The following AZIN1 variants were observed in gnomAD, a reference collection of about 807,000 sequenced individuals.
AZIN1 encodes the protein antizyme inhibitor 1.
A neutral mutation model predicts 47.4 loss-of-function variants in AZIN1; 12 were observed. The ratio of observed to expected loss-of-function variants is 0.25; its 90% CI spans 0.16 to 0.41. The LOEUF (loss-of-function observed/expected upper bound fraction) is 0.41, where lower values mean the gene tolerates loss of function less well. Among genes scored for constraint, AZIN1 ranks in the 10% least tolerant of loss-of-function variants. AZIN1 has a pLI of 1.00. For synonymous variants in AZIN1, 155 were observed against 176.3 expected (o/e 0.88, Z 0.96); for missense variants, 410 against 532.4 (o/e 0.77, Z 2.26).
chr8:102,859,889 A>C (rs1293839663), intron 1 of AZIN1, among the ~76,000 whole-genome samples: 1 of 152,208 alleles, frequency 6.6e-6, no homozygotes, highest in African/African-American at 2.4e-5. Context: ...ATGCACCTAT[A>C]GTCTCAACTA....
intron 3 of AZIN1, among the ~76,000 whole-genome samples, chr8:102,841,807 A>AT (rs1563538506): frequency 2.2e-5 from 3 of 138,648 alleles, no homozygotes; most frequent in Non-Finnish European, 3.1e-5. Flanking sequence ...TATATATATA[A>AT]AAAAAAAAAA....
intron 2 of AZIN1, among the ~76,000 whole-genome samples, chr8:102,853,127 G>C (rs1002280180): frequency 6.6e-6 from 1 of 152,264 alleles, no homozygotes; most frequent in African/African-American, 2.4e-5. Context: ...GACTGTGATG[G>C]AACACACAGA....
At position 102,864,016 on chromosome 8, in the gene AZIN1, A is replaced by G. The variant is rs139978135; in HGVS notation, c.-443T>C. On this transcript the variant is annotated 5_prime_UTR_variant, in exon 1 of 12. Coordinates refer to ENST00000337198, the MANE Select transcript of AZIN1 (RefSeq NM_148174.4). ...AAGGAGAAATAGAACAGCGCAGGCA[A>G]AAGAAGAAAGGCGCGGGCTGGGTGG... 1.8e-3 allele frequency: 285 copies of G among 157,014 alleles called. No individual in the cohort carries two copies. The highest frequency in any genetic ancestry group is 3.3e-3 in the Non-Finnish European group (233 of 70,948). The allele number at this position is 157,014 out of a possible 1,614,324, so 9.7% of individuals were successfully genotyped here.
chr8:102,838,974 G>C (rs774289200), intron 4 of AZIN1, 58 bp from the exon 5 acceptor site: 3 of 1,468,360 alleles, frequency 2.0e-6, no homozygotes, highest in Non-Finnish European at 1.9e-6. Context: ...TTCTGGTAAT[G>C]CTTCCTCTAA....
intron 2 of AZIN1, among the ~76,000 whole-genome samples, chr8:102,847,094 G>A (rs1812612198): frequency 6.6e-6 from 1 of 152,088 alleles, no homozygotes; most frequent in East Asian, 1.9e-4. Flanking sequence ...TGTTAACCAC[G>A]TCCCAGCTGA....
chr8:102,834,599 ACTT>A, intron 7 of AZIN1, 64 bp downstream of exon 7: 4 of 1,259,776 alleles, frequency 3.2e-6, no homozygotes, highest in Non-Finnish European at 4.5e-6. Context: ...GGCAGAAAAT[ACTT>A]AGTCTTTAAC....
intron 2 of AZIN1, among the ~76,000 whole-genome samples, chr8:102,846,719 C>T (rs188760795): frequency 3.7e-4 from 56 of 152,172 alleles, no homozygotes; most frequent in African/African-American, 1.3e-3. Flanking sequence ...ATCAACTAAC[C>T]CCTTTCAGAC....
chr8:102,862,147 G>T (rs1239997604), intron 1 of AZIN1, among the ~76,000 whole-genome samples: 1 of 152,106 alleles, frequency 6.6e-6, no homozygotes, highest in Non-Finnish European at 1.5e-5. Flanking sequence ...AAAGGTTTAG[G>T]TTACACAGCT....
intron 1 of AZIN1, among the ~76,000 whole-genome samples, chr8:102,861,188 G>A (rs556440232): frequency 3.3e-5 from 5 of 152,200 alleles, no homozygotes; most frequent in South Asian, 4.1e-4. Context: ...ACTTTGCTGC[G>A]CAACTAAGAT....
At chr8:102,861,827 G>A (rs1586216662) in intron 1 of AZIN1, among the ~76,000 whole-genome samples, 2 of 151,986 alleles carry the variant, frequency 1.3e-5, no homozygotes, top group African/African-American at 4.8e-5. Context: ...CGGATCATGA[G>A]GTCAGGAGTT....
chr8:102,862,658 T>C (rs1031776237), intron 1 of AZIN1, among the ~76,000 whole-genome samples: 1 of 152,244 alleles, frequency 6.6e-6, no homozygotes, highest in Non-Finnish European at 1.5e-5. Flanking sequence ...GATGCACCTC[T>C]ACATCAACCT....
rs1812008956 is a variant in AZIN1 at position 102,839,055 on chromosome 8, A to C, written c.277-139T>G. On this transcript the variant is annotated intron_variant, in intron 4 of 11. Coordinates refer to ENST00000337198, the MANE Select transcript of AZIN1 (RefSeq NM_148174.4). Reference sequence around the variant, plus strand: ...ATTCCAGGCTGAAGTGCAATAGCACAATCATAGCTCAATGCAGCCTCCATC... The same window carrying C: ...ATTCCAGGCTGAAGTGCAATAGCACCATCATAGCTCAATGCAGCCTCCATC... 2.8e-5 allele frequency: 21 copies of C among 737,756 alleles called. No homozygotes were observed. The South Asian group carries it at 4.4e-4, about 15-fold the overall frequency. The allele number at this position is 737,756 out of a possible 1,614,324, so 45.7% of individuals were successfully genotyped here.
intron 2 of AZIN1, chr8:102,854,333 G>GC (rs894836200): frequency 5.3e-5 from 8 of 151,784 alleles, no homozygotes; most frequent in Non-Finnish European, 7.4e-5. Context: ...AGGCGCGGTG[G>GC]CTCACGCCTA....
At chr8:102,853,006 T>G (rs1345740304) in intron 2 of AZIN1, among the ~76,000 whole-genome samples, 1 of 152,188 alleles carries the variant, frequency 6.6e-6, no homozygotes, top group Non-Finnish European at 1.5e-5. Flanking sequence ...AGATGCAATA[T>G]CTCATTTATT....
At chr8:102,855,886 T>C (rs969268924) in intron 2 of AZIN1, 2 of 152,204 alleles carry the variant, frequency 1.3e-5, no homozygotes, top group Middle Eastern at 3.2e-3. Flanking sequence ...GGACTAGGTA[T>C]CTTTGTGAAT....
intron 5 of AZIN1, among the ~76,000 whole-genome samples, chr8:102,836,912 CT>C (rs1270810304): frequency 1.3e-5 from 2 of 151,450 alleles, no homozygotes; most frequent in African/African-American, 4.8e-5. Flanking sequence ...ATTTTTTTTT[CT>C]TTTTTTTCTG....
chr8:102,828,811 T>C (rs1403401586), intron 11 of AZIN1, 133 bp from the exon 12 acceptor site: 4 of 616,554 alleles, frequency 6.5e-6, no homozygotes, highest in East Asian at 2.8e-5. Context: ...TTTTCTATGA[T>C]AGTCATGCAC....
intron 3 of AZIN1, among the ~76,000 whole-genome samples, chr8:102,843,203 T>TC (rs1481318150): frequency 1.4e-5 from 1 of 70,934 alleles, no homozygotes; most frequent in African/African-American, 8.1e-5. Flanking sequence ...GAGACTCGTC[T>TC]CCAAAAAAAA....
chr8:102,836,902 AT>A (rs1284409405), intron 5 of AZIN1, among the ~76,000 whole-genome samples: 3 of 151,666 alleles, frequency 2.0e-5, no homozygotes, highest in South Asian at 2.1e-4. Flanking sequence ...CATTTTTTAA[AT>A]TTTTTTTTCT....
Sources: allele counts gnomAD v4.1 joint callset (sites outside exome capture counted in the v4.1 genomes callset), GRCh38; gene constraint gnomAD v4.1.1; transcripts MANE v1.5; gene names NCBI Gene and HGNC (gene_info 2026-07-23, HGNC 2026-07-21).